Variants in ATP8A2 observed in about 807,000 individuals in gnomAD.
ATP8A2 encodes ATPase phospholipid transporting 8A2, also known as phospholipid-transporting ATPase IB.
In ATP8A2, 100 loss-of-function variants were observed where a neutral mutation model predicts 165.6. The ratio of observed to expected loss-of-function variants is 0.60; its 90% CI spans 0.51 to 0.71. The LOEUF (loss-of-function observed/expected upper bound fraction) is 0.71, where lower values mean the gene tolerates loss of function less well. Among genes scored for constraint, ATP8A2 ranks in the 30% least tolerant of loss-of-function variants. ATP8A2 has a pLI of 0.00. For synonymous variants in ATP8A2, 543 were observed against 548.8 expected, an observed-to-expected ratio of 0.99 and a Z score of 0.15; for missense variants, 1,227 against 1,479.5, an observed-to-expected ratio of 0.83 and a Z score of 2.80.
chr13:25,468,850 C>G, intron 1 of ATP8A2, 127 bp from the exon 2 acceptor site: 15 of 1,430,896 alleles, frequency 1.0e-5, no homozygotes, highest in Non-Finnish European at 1.4e-5. Flanking sequence ...GGTACGTAGG[C>G]GGCGTCCGCC....
At chr13:25,938,874 ACTCT>A (rs1297889349) in intron 33 of ATP8A2, among the ~76,000 whole-genome samples, 4 of 145,264 alleles carry the variant, frequency 2.8e-5, no homozygotes, top group African/African-American at 7.7e-5. Context: ...ATGAAGTCTC[ACTCT>A]ATCCCCCAGG....
chr13:25,713,718 C>T (rs1489677672), intron 25 of ATP8A2, among the ~76,000 whole-genome samples: 1 of 152,058 alleles, frequency 6.6e-6, no homozygotes, highest in Non-Finnish European at 1.5e-5. Context: ...TGTGTGTGTG[C>T]TGAATGAATA....
intron 25 of ATP8A2, among the ~76,000 whole-genome samples, chr13:25,744,870 G>A (rs1273877155): frequency 2.6e-5 from 4 of 152,262 alleles, no homozygotes; most frequent in East Asian, 1.9e-4. Context: ...ATGTTTTTAC[G>A]GTTGCATGAC....
intron 30 of ATP8A2, among the ~76,000 whole-genome samples, chr13:25,853,393 AAAAATATATATATATATG>A (rs1316403801): frequency 8.6e-4 from 32 of 37,148 alleles, no homozygotes; most frequent in African/African-American, 2.2e-3. Flanking sequence ...TCTATCTAAA[AAAAATATATATATATATG>A]TATATATATA....
intron 1 of ATP8A2, among the ~76,000 whole-genome samples, chr13:25,447,425 C>A (rs2035099483): frequency 6.6e-6 from 1 of 151,994 alleles, no homozygotes. Context: ...TCCCTTGACC[C>A]CCTCGTGGGA....
At chr13:25,472,555 T>C (rs186295018) in intron 2 of ATP8A2, among the ~76,000 whole-genome samples, 329 of 152,296 alleles carry the variant, frequency 2.2e-3, no homozygotes, top group South Asian at 0.013. Context: ...TGGCCATGAA[T>C]GTTTGCTAAA....
At chr13:25,637,888 G>A (rs957964136) in intron 24 of ATP8A2, among the ~76,000 whole-genome samples, 7 of 152,142 alleles carry the variant, frequency 4.6e-5, no homozygotes, top group East Asian at 1.9e-4. Flanking sequence ...TCACACGGCC[G>A]GGTACCCCTC....
chr13:25,890,489 C>T (rs760817735), intron 33 of ATP8A2, among the ~76,000 whole-genome samples: 5 of 152,148 alleles, frequency 3.3e-5, no homozygotes, highest in Non-Finnish European at 7.3e-5. Flanking sequence ...GAAGCATGAA[C>T]GTAGATATTT....
chr13:25,542,178 T>A, intron 9 of ATP8A2, 132 bp downstream of exon 9: 1 of 973,294 alleles, frequency 1.0e-6, no homozygotes, highest in Non-Finnish European at 1.5e-6. Flanking sequence ...TCAATTAATT[T>A]AAAGCCTTCC....
chr13:25,648,005 A>G (rs950220801), intron 24 of ATP8A2, among the ~76,000 whole-genome samples: 1 of 152,092 alleles, frequency 6.6e-6, no homozygotes, highest in Non-Finnish European at 1.5e-5. Context: ...TTCTTTAAAT[A>G]TGCTTTCTGG....
At chr13:25,722,702 A>G (rs2043407621) in intron 25 of ATP8A2, among the ~76,000 whole-genome samples, 1 of 152,238 alleles carries the variant, frequency 6.6e-6, no homozygotes, top group Non-Finnish European at 1.5e-5. Context: ...AAAAATGCAT[A>G]TAACTTATAA....
chr13:25,740,308 CAAAAAAAAAAAAA>C (rs1229327243), intron 25 of ATP8A2, among the ~76,000 whole-genome samples: 1 of 67,488 alleles, frequency 1.5e-5, no homozygotes, highest in Non-Finnish European at 2.9e-5. Context: ...GGCTCTATCT[CAAAAAAAAAAAAA>C]AAAAAAAAGA....
chr13:25,767,276 A>G (rs1161523804), intron 25 of ATP8A2, among the ~76,000 whole-genome samples: 1 of 152,244 alleles, frequency 6.6e-6, no homozygotes. Flanking sequence ...GGAGTTGACT[A>G]GAGGCTTCAT....
rs542946704 is a variant in ATP8A2 at position 25,859,533 on chromosome 13, G to A, written c.2957-662G>A. Among the ~76,000 whole-genome samples the A allele has an allele frequency of 3.5e-4, 53 of 151,780 alleles. 1 individual carries two copies. Among genetic ancestry groups the A allele is most frequent in the African/African-American group, 1.2e-3 (49 of 41,386 alleles). ...AACTCTATTAGCATTCTGCCTTAGT[G>A]GTTGTTATAGTCATAGCCATCCTTG... On this transcript the variant is annotated intron_variant, in intron 30 of 36. Transcript: ENST00000381655.
At chr13:25,376,815 G>C (rs755576732) in intron 1 of ATP8A2, among the ~76,000 whole-genome samples, 1 of 152,204 alleles carries the variant, frequency 6.6e-6, no homozygotes, top group Non-Finnish European at 1.5e-5. Context: ...GGACCTCATA[G>C]TCATCACAGG....
chr13:25,808,624 G>A (rs1362695756), intron 27 of ATP8A2, among the ~76,000 whole-genome samples: 1 of 147,194 alleles, frequency 6.8e-6, no homozygotes, highest in Admixed American at 6.8e-5. Flanking sequence ...TTTTTTTTTT[G>A]TAGAGTTGTC....
intron 33 of ATP8A2, among the ~76,000 whole-genome samples, chr13:25,882,828 G>T (rs745449018): frequency 1.3e-5 from 2 of 152,090 alleles, no homozygotes; most frequent in East Asian, 1.9e-4. Flanking sequence ...ATGGAGGGGC[G>T]CTATAAATGA....
chr13:25,984,633 A>C (rs1008391218), intron 35 of ATP8A2, among the ~76,000 whole-genome samples: 1 of 151,932 alleles, frequency 6.6e-6, no homozygotes, highest in African/African-American at 2.4e-5. Flanking sequence ...ACAAACAAAA[A>C]CGAAACAAAA....
chr13:25,401,722 A>G (rs952530503), intron 1 of ATP8A2, among the ~76,000 whole-genome samples: 12 of 152,224 alleles, frequency 7.9e-5, no homozygotes, highest in Non-Finnish European at 1.2e-4. Context: ...AAATCTATAA[A>G]CACTATGCTT....
Sources: gnomAD v4.1 joint callset for allele counts (sites outside exome capture counted in the v4.1 genomes callset) on GRCh38, gnomAD v4.1.1 for gene constraint, MANE v1.5 for transcripts, NCBI Gene and HGNC (gene_info 2026-07-23, HGNC 2026-07-21) for gene names.